Variants in ZNF773 observed in about 807,000 individuals in gnomAD.
ZNF773 encodes the protein zinc finger protein 773.
Under a neutral mutation model 12.8 loss-of-function variants are expected in ZNF773, and 11 were observed. The ratio of observed to expected loss-of-function variants is 0.86; its 90% CI spans 0.54 to 1.42. The LOEUF is 1.42. Among genes scored for constraint, ZNF773 ranks in the 40% most tolerant of loss-of-function variants. The pLI is 0.00. For missense variants in ZNF773, 518 were observed against 527.2 expected (o/e 0.98, Z 0.17); for synonymous variants, 175 against 178.4 (o/e 0.98, Z 0.15).
chr19:57,505,910 C>T (rs982993568), intron 3 of ZNF773, among the ~76,000 whole-genome samples: 14 of 152,014 alleles, frequency 9.2e-5, no homozygotes, highest in African/African-American at 3.1e-4. Context: ...TGGGTTTCAC[C>T]ATGTTAGCCT....
chr19:57,506,284 T>A, intron 3 of ZNF773, 74 bp from the exon 4 acceptor site: 1 of 1,535,584 alleles, frequency 6.5e-7, no homozygotes, highest in Admixed American at 2.1e-5. Context: ...ACCAGGTGTG[T>A]CAGACACGTG....
In ZNF773 at chr19:57,506,602, C is replaced by T. The variant is rs374957498; in HGVS notation, c.507C>T (p.His169=). Residue 169 remains histidine, a synonymous_variant, in exon 4 of 4, where the codon CAC becomes CAT. Coordinates refer to ENST00000282292, the MANE Select transcript of ZNF773 (RefSeq NM_198542.3). ...SSGVLKHQVT[H]TGEKSHRSSK... ...GTGTTCTCAAGCACCAGGTGACTCA[C>T]ACGGGAGAGAAGTCACATAGGAGCT... is the stretch of plus-strand genomic sequence containing the variant. The T allele has an allele frequency of 3.1e-6, 5 of 1,614,080 alleles. No homozygotes were observed. The highest frequency in any genetic ancestry group is 1.3e-5 in the African/African-American group (1 of 74,940).
downstream of ZNF773, chr19:57,513,055 A>G: frequency 1.3e-6 from 2 of 1,553,660 alleles, no homozygotes; most frequent in Non-Finnish European, 1.7e-6. Flanking sequence ...GCGCCCGAAC[A>G]GGGACGTGAG....
chr19:57,511,383 C>G (rs1004866451), downstream of ZNF773, among the ~76,000 whole-genome samples: 1 of 152,030 alleles, frequency 6.6e-6, no homozygotes, highest in Non-Finnish European at 1.5e-5. Flanking sequence ...AATTTGAAAA[C>G]CTTTATGACT....
downstream of ZNF773, among the ~76,000 whole-genome samples, chr19:57,512,003 T>A (rs750886421): frequency 2.0e-5 from 3 of 152,164 alleles, no homozygotes; most frequent in Non-Finnish European, 2.9e-5. Context: ...GGGCCTGTGG[T>A]CTGAGGGTGA....
Position 57,507,810 on chromosome 19 carries a change from T to A in ZNF773, c.*386T>A. On this transcript the variant is annotated 3_prime_UTR_variant, in exon 4 of 4. Coordinates refer to ENST00000282292, the MANE Select transcript of ZNF773 (RefSeq NM_198542.3). ...TAACACAATGAAACCACATCTCTACTAAAAATACAAAAATTTACTGGGCAT... is the reference window on the plus strand; with the variant it reads ...TAACACAATGAAACCACATCTCTACAAAAAATACAAAAATTTACTGGGCAT... 1 of 673,780 alleles carries A rather than the reference T, an allele frequency of 1.5e-6. No homozygotes were observed. Among genetic ancestry groups the A allele is most frequent in the Non-Finnish European group, 1.9e-6 (1 of 535,938 alleles). 41.7% of individuals were successfully genotyped at this position (673,780 alleles called of 1,614,324 possible). A position where few individuals can be genotyped will look rare whatever the true frequency, so the allele number is the denominator to read the frequency against.
intron 1 of ZNF773, among the ~76,000 whole-genome samples, chr19:57,503,860 G>A (rs2089696649): frequency 1.3e-5 from 2 of 152,024 alleles, no homozygotes; most frequent in African/African-American, 4.8e-5. Context: ...GTTTCTCCAT[G>A]TTGTTCAGGC....
rs1442342451 is a variant in ZNF773, at chr19:57,507,618, A to G, written c.*194A>G. The stretch of plus-strand genomic sequence containing the variant: ...TCAGCCAAAGGCCTAACCGTATTCA[A>G]CACCAGAAAGTTTAGACTGGAGAAA... On this transcript the variant is annotated 3_prime_UTR_variant, in exon 4 of 4. Coordinates refer to ENST00000282292, the MANE Select transcript of ZNF773 (RefSeq NM_198542.3). 1 of 1,391,242 alleles carries G rather than the reference A, an allele frequency of 7.2e-7. No individual in the cohort carries two copies. Among genetic ancestry groups the G allele is most frequent in the African/African-American group, 1.4e-5 (1 of 69,024 alleles). The allele number at this position is 1,391,242 out of a possible 1,614,324, so 86.2% of individuals were successfully genotyped here. A position where few individuals can be genotyped will look rare whatever the true frequency, so the allele number is the denominator to read the frequency against.
downstream of ZNF773, chr19:57,514,105 A>G (rs1384649651): frequency 6.6e-6 from 1 of 152,224 alleles, no homozygotes; most frequent in Non-Finnish European, 1.5e-5. Flanking sequence ...GTCATTCATT[A>G]TATGGATGAT....
downstream of ZNF773, among the ~76,000 whole-genome samples, chr19:57,511,801 G>C (rs1418343975): frequency 6.6e-6 from 1 of 151,692 alleles, no homozygotes; most frequent in Admixed American, 6.6e-5. Flanking sequence ...ATCAATTATG[G>C]TATATCCTTA....
chr19:57,515,354 C>T (rs936412113), downstream of ZNF773: 1 of 152,224 alleles, frequency 6.6e-6, no homozygotes, highest in Non-Finnish European at 1.5e-5. Flanking sequence ...CACCTCTGCC[C>T]TTACTCGTAT....
chr19:57,506,660 A>G lies in ZNF773; in HGVS notation c.565A>G (p.Arg189Gly), dbSNP rs1490949665. ...KSREAFHAGK[R>G]HYKCSECGKA... ...TAGGGAGGCCTTTCATGCTGGAAAAAGGCATTACAAATGCAGTGAATGTGG... is the reference window on the plus strand; with the variant it reads ...TAGGGAGGCCTTTCATGCTGGAAAAGGGCATTACAAATGCAGTGAATGTGG... The change falls in exon 4 of 4, where the codon AGG becomes GGG. Residue 189 changes from arginine to glycine, a missense_variant. Transcript: ENST00000282292. 1.2e-5 allele frequency: 20 copies of G among 1,614,134 alleles called. No individual in the cohort carries two copies. Among genetic ancestry groups the G allele is most frequent in the Non-Finnish European group, 1.5e-5 (18 of 1,180,046 alleles).
At chr19:57,501,328 A>C (rs1344983682) in intron 1 of ZNF773, among the ~76,000 whole-genome samples, 1 of 138,726 alleles carries the variant, frequency 7.2e-6, no homozygotes, top group African/African-American at 2.7e-5. Context: ...TGATCTGCCC[A>C]CCTCGGCCTC....
At position 57,506,323 on chromosome 19, in the gene ZNF773, C is replaced by T; in HGVS notation, c.263-35C>T. 2.5e-6 allele frequency: 4 copies of T among 1,579,804 alleles called. No individual in the cohort carries two copies. In the South Asian group the frequency reaches 3.5e-5, roughly 14 times the overall value. Reference sequence around the variant, plus strand: ...GAGTGCTGCCTTCTCACACCAAAGACTACATTTACTTCATCAACATTTCTC... The same window carrying T: ...GAGTGCTGCCTTCTCACACCAAAGATTACATTTACTTCATCAACATTTCTC... On this transcript the variant is annotated intron_variant, in intron 3 of 3. Transcript: ENST00000282292.
At position 57,507,077 on chromosome 19, in the gene ZNF773, G is replaced by T; in HGVS notation, c.982G>T (p.Glu328Ter). 6.2e-7 allele frequency: 1 copy of T among 1,614,176 alleles called. No individual in the cohort carries two copies. Among genetic ancestry groups the T allele is most frequent in the African/African-American group, 1.3e-5 (1 of 75,040 alleles). ...GAAACATCAGAGAGTTCACACTGGA[G>T]AAAGACCTTATAAGTGCAGTGAATG... ...LMKHQRVHTG[E>*]RPYKCSECGK... The change falls in exon 4 of 4, where the codon GAA becomes TAA. Residue 328 changes from glutamate to a stop codon, truncating the protein, a stop_gained. Coordinates refer to ENST00000282292, the MANE Select transcript of ZNF773 (RefSeq NM_198542.3). LOFTEE classifies it low-confidence loss of function (END_TRUNC).
At position 57,505,339 on chromosome 19, in the gene ZNF773, G is replaced by A. The variant is rs2123259213; in HGVS notation, c.201G>A (p.Leu67=). The change falls in exon 3 of 4, where the codon CTG becomes CTA. Residue 67 remains leucine (L), a synonymous_variant. Transcript: ENST00000282292. ...ASSKTHEITQ[L]ESWEEPFMPA... is the part of the protein sequence containing the mutation. Reference sequence around the variant, plus strand: ...CCAAGACCCATGAAATAACCCAGCTGGAGTCATGGGAGGAGCCCTTCATGC... The same window carrying A: ...CCAAGACCCATGAAATAACCCAGCTAGAGTCATGGGAGGAGCCCTTCATGC... The A allele has an allele frequency of 3.1e-6, 5 of 1,614,122 alleles. No individual in the cohort carries two copies. The highest frequency in any genetic ancestry group is 4.2e-6 in the Non-Finnish European group (5 of 1,180,020).
At chr19:57,502,988 G>A (rs2089687184) in intron 1 of ZNF773, among the ~76,000 whole-genome samples, 1 of 152,222 alleles carries the variant, frequency 6.6e-6, no homozygotes, top group Non-Finnish European at 1.5e-5. Context: ...ACAGCGCCTA[G>A]CCAGAGTCTG....
At position 57,500,500 on chromosome 19, in the gene ZNF773, G is replaced by T. The variant is rs866623994; in HGVS notation, c.33+387G>T. ...CAAGTCAAAACAGACTGGGGTGGGG[G>T]TGAGGCGGGTGAAGACAGACCTGTG... On this transcript the variant is annotated intron_variant, in intron 1 of 3. Coordinates refer to ENST00000282292, the MANE Select transcript of ZNF773 (RefSeq NM_198542.3). 5.6e-3 allele frequency among the ~76,000 whole-genome samples: 765 copies of T among 135,732 alleles called. 5 individuals are homozygous for T. The South Asian group carries it at 0.057, about 10-fold the overall frequency. 89.0% of individuals were successfully genotyped at this position (135,732 alleles called of 152,430 possible).
downstream of ZNF773, chr19:57,517,531 G>A (rs2089839184): frequency 6.6e-6 from 1 of 152,142 alleles, no homozygotes; most frequent in Non-Finnish European, 1.5e-5. Flanking sequence ...AAAATTGGAT[G>A]TGCACAGCCG....
Sources: allele counts gnomAD v4.1 joint callset (sites outside exome capture counted in the v4.1 genomes callset), GRCh38; gene constraint gnomAD v4.1.1; transcripts MANE v1.5; gene names NCBI Gene and HGNC (gene_info 2026-07-23, HGNC 2026-07-21).